The following CTNNA1 variants were observed in gnomAD, a reference collection of about 807,000 sequenced individuals.
CTNNA1 encodes the protein catenin alpha 1.
Under a neutral mutation model 98.4 loss-of-function variants are expected in CTNNA1, and 37 were observed. The ratio of observed to expected loss-of-function variants is 0.38; its 90% CI spans 0.29 to 0.49. The LOEUF is 0.49. Ranked by LOEUF, CTNNA1 falls within the 20% of genes least tolerant of loss-of-function variation. The pLI is 0.95. For missense variants in CTNNA1, 761 were observed against 1,147.2 expected (o/e 0.66, Z 4.86); for synonymous variants, 404 against 413.2 (o/e 0.98, Z 0.27).
intron 10 of CTNNA1, among the ~76,000 whole-genome samples, chr5:138,913,904 G>A (rs973715956): frequency 6.6e-5 from 10 of 152,272 alleles, no homozygotes; most frequent in Non-Finnish European, 4.4e-5. Context: ...AGGCTGGAGT[G>A]CAGTGGCATG....
chr5:138,777,770 A>G (rs1251697517), intron 1 of CTNNA1, among the ~76,000 whole-genome samples: 2 of 150,944 alleles, frequency 1.3e-5, no homozygotes, highest in African/African-American at 4.9e-5. Context: ...AGGCAGGAGA[A>G]TCAGGCAGGG....
At chr5:138,892,327 AGTTTTTTTTTT>A (rs1323847806) in intron 9 of CTNNA1, among the ~76,000 whole-genome samples, 38 of 103,220 alleles carry the variant, frequency 3.7e-4, no homozygotes, top group Non-Finnish European at 6.1e-4. Flanking sequence ...AAAATAGCTT[AGTTTTTTTTTT>A]TTTTTTTTTT....
chr5:138,912,981 TAG>T (rs1217278440), intron 10 of CTNNA1, among the ~76,000 whole-genome samples: 3 of 152,154 alleles, frequency 2.0e-5, no homozygotes, highest in South Asian at 2.1e-4. Context: ...TATTTTGAAA[TAG>T]AGTTTTCTAA....
rs377565031 is a variant in CTNNA1 at position 138,930,668 on chromosome 5, C to T, written c.2192+14C>T. ...AGACTTTACCCGGTGAGCAGCACCC[C>T]GGCCCCACCAGGCTGCACAGGGGCT... On this transcript the variant is annotated intron_variant, in intron 15 of 17. Coordinates refer to ENST00000302763, the MANE Select transcript of CTNNA1 (RefSeq NM_001903.5). The T allele has an allele frequency of 6.3e-5, 102 of 1,606,482 alleles. No homozygotes were observed. Among genetic ancestry groups the T allele is most frequent in the Non-Finnish European group, 8.3e-5 (97 of 1,175,256 alleles).
intron 5 of CTNNA1, among the ~76,000 whole-genome samples, chr5:138,815,311 C>A (rs1258603238): frequency 1.3e-5 from 2 of 151,904 alleles, no homozygotes; most frequent in African/African-American, 2.4e-5. Flanking sequence ...GCTGGATAAT[C>A]TTCTGTTTGC....
chr5:138,777,316 C>T (rs1205494352), intron 1 of CTNNA1, among the ~76,000 whole-genome samples: 30 of 149,628 alleles, frequency 2.0e-4, no homozygotes, highest in African/African-American at 2.9e-4. Flanking sequence ...CGGGAAGAGG[C>T]GCTCCTCACT....
intron 10 of CTNNA1, among the ~76,000 whole-genome samples, chr5:138,913,977 G>T (rs1026331646): frequency 2.6e-5 from 4 of 152,158 alleles, no homozygotes; most frequent in African/African-American, 9.7e-5. Flanking sequence ...CGGCCTCCCA[G>T]AGTGCTGGGA....
At chr5:138,789,848 G>A (rs1581014883) in intron 3 of CTNNA1, among the ~76,000 whole-genome samples, 1 of 152,204 alleles carries the variant, frequency 6.6e-6, no homozygotes, top group Non-Finnish European at 1.5e-5. Context: ...ATGCTTGAAT[G>A]TATCAAGTGA....
chr5:138,780,628 C>T (rs1224790493), intron 1 of CTNNA1, among the ~76,000 whole-genome samples: 2 of 152,122 alleles, frequency 1.3e-5, no homozygotes, highest in Non-Finnish European at 2.9e-5. Flanking sequence ...AGCGATTCTT[C>T]TGCCTCAGCC....
At chr5:138,772,334 A>ATT (rs1448872859) in intron 1 of CTNNA1, among the ~76,000 whole-genome samples, 3 of 152,224 alleles carry the variant, frequency 2.0e-5, no homozygotes, top group Non-Finnish European at 2.9e-5. Context: ...CCCTCCTGGA[A>ATT]AAACCTAAGG....
chr5:138,908,185 G>C (rs747204984), intron 10 of CTNNA1, among the ~76,000 whole-genome samples: 1 of 152,016 alleles, frequency 6.6e-6, no homozygotes, highest in Non-Finnish European at 1.5e-5. Flanking sequence ...CACCTTGTTG[G>C]TCAGGCTGAT....
chr5:138,753,548 C>T lies in CTNNA1; in HGVS notation c.-3+38C>T, dbSNP rs1751235013. Reference sequence around the variant, plus strand: ...CTCCCTCCTCGCGGGCGCGGTCTCTCGGGCCAGGCCGAGAGGGTCCTTGGG... The same window carrying T: ...CTCCCTCCTCGCGGGCGCGGTCTCTTGGGCCAGGCCGAGAGGGTCCTTGGG... On this transcript the variant is annotated intron_variant, in intron 1 of 17. Coordinates refer to ENST00000302763, the MANE Select transcript of CTNNA1 (RefSeq NM_001903.5). The T allele has an allele frequency of 3.0e-5, 11 of 372,396 alleles. No homozygotes were observed. The South Asian group carries it at 1.2e-3, about 40-fold the overall frequency. 23.1% of individuals were successfully genotyped at this position (372,396 alleles called of 1,614,324 possible).
intron 7 of CTNNA1, chr5:138,881,124 G>A (rs1264875047): frequency 2.2e-6 from 1 of 456,264 alleles, no homozygotes; most frequent in South Asian, 1.5e-5. Context: ...CCTGAGGCTG[G>A]AGAGAGCAGT....
intron 9 of CTNNA1, among the ~76,000 whole-genome samples, chr5:138,892,094 G>A (rs1755496521): frequency 6.6e-6 from 1 of 152,024 alleles, no homozygotes; most frequent in Non-Finnish European, 1.5e-5. Context: ...TACATATATG[G>A]ATTGATGTCT....
At chr5:138,879,171 T>TAAAAAAAA (rs35271091) in intron 7 of CTNNA1, among the ~76,000 whole-genome samples, 5 of 80,326 alleles carry the variant, frequency 6.2e-5, no homozygotes, top group Non-Finnish European at 4.5e-5. Context: ...ACTCCGTCTT[T>TAAAAAAAA]AAAAAAAAAA....
chr5:138,872,451 A>G (rs1280743638), intron 7 of CTNNA1: 1 of 152,512 alleles, frequency 6.6e-6, no homozygotes, highest in African/African-American at 2.4e-5. Context: ...ACCCAGGCAG[A>G]AACTCTGGAA....
At chr5:138,869,726 G>A (rs944488180) in intron 7 of CTNNA1, 1 of 152,300 alleles carries the variant, frequency 6.6e-6, no homozygotes, top group African/African-American at 2.4e-5. Flanking sequence ...ATAAGCAGAT[G>A]GATTTTAATA....
chr5:138,760,801 T>C (rs1285447994), intron 1 of CTNNA1, among the ~76,000 whole-genome samples: 2 of 152,228 alleles, frequency 1.3e-5, no homozygotes, highest in Non-Finnish European at 2.9e-5. Flanking sequence ...TATTTTCCAC[T>C]TTAGACATTC....
chr5:138,864,659 G>A (rs1475397761), intron 7 of CTNNA1, among the ~76,000 whole-genome samples: 1 of 152,180 alleles, frequency 6.6e-6, no homozygotes, highest in Non-Finnish European at 1.5e-5. Flanking sequence ...AAGACAACTT[G>A]TGAGGTTAGA....
Sources: gnomAD v4.1 joint callset for allele counts (sites outside exome capture counted in the v4.1 genomes callset) on GRCh38, gnomAD v4.1.1 for gene constraint, MANE v1.5 for transcripts, NCBI Gene and HGNC (gene_info 2026-07-23, HGNC 2026-07-21) for gene names.